The following SRGAP3 variants were observed in gnomAD, a reference collection of about 807,000 sequenced individuals.
The protein encoded by SRGAP3 is SLIT-ROBO Rho GTPase-activating protein 3.
SRGAP3 carries 39 observed loss-of-function variants against 121.1 expected under a neutral mutation model. That is an observed-to-expected ratio of 0.32 (90% CI 0.25 to 0.42). SRGAP3 has a LOEUF of 0.42. Among genes scored for constraint, SRGAP3 ranks in the 10% least tolerant of loss-of-function variants. The pLI is 1.00. For missense variants in SRGAP3, 1,213 were observed against 1,470.6 expected, an observed-to-expected ratio of 0.82 and a Z score of 2.86; for synonymous variants, 601 against 570.0, an observed-to-expected ratio of 1.05 and a Z score of -0.77.
intron 18 of SRGAP3, among the ~76,000 whole-genome samples, chr3:8,999,348 G>A (rs142139610): frequency 0.013 from 1,962 of 152,320 alleles, 23 homozygotes; most frequent in Middle Eastern, 0.024. Flanking sequence ...GGGCTTTTCC[G>A]GAGATGAAAA....
At chr3:9,202,916 G>A (rs1454237672) in intron 1 of SRGAP3, among the ~76,000 whole-genome samples, 1 of 152,200 alleles carries the variant, frequency 6.6e-6, no homozygotes, top group Non-Finnish European at 1.5e-5. Flanking sequence ...ACCAACTGCA[G>A]TGACTGGTTG....
At chr3:8,996,003 A>G (rs1404390443) in intron 18 of SRGAP3, among the ~76,000 whole-genome samples, 1 of 152,178 alleles carries the variant, frequency 6.6e-6, no homozygotes, top group African/African-American at 2.4e-5. Flanking sequence ...CGATCTATTC[A>G]TCCACCTGTC....
chr3:9,007,519 G>A (rs563477430), intron 18 of SRGAP3: 6 of 152,116 alleles, frequency 3.9e-5, no homozygotes, highest in South Asian at 2.1e-4. Flanking sequence ...GGAGGTTCTG[G>A]TTGCCAATGA....
At chr3:9,255,528 G>A (rs1954112668) in intron 3 of SRGAP3, among the ~76,000 whole-genome samples, 2 of 152,162 alleles carry the variant, frequency 1.3e-5, no homozygotes. Context: ...CAAAAGTTTT[G>A]GAATGGTCAG....
chr3:9,280,067 G>C (rs968446852), intron 3 of SRGAP3, among the ~76,000 whole-genome samples: 1 of 152,216 alleles, frequency 6.6e-6, no homozygotes, highest in African/African-American at 2.4e-5. Context: ...GCAGGCAAAG[G>C]AAACCATAGC....
intron 1 of SRGAP3, among the ~76,000 whole-genome samples, chr3:9,345,851 C>T (rs1955881108): frequency 6.6e-6 from 1 of 151,636 alleles, no homozygotes; most frequent in Non-Finnish European, 1.5e-5. Context: ...AGAGAAGGCC[C>T]AGAAACAAGA....
chr3:9,343,777 C>T (rs1402288368), intron 1 of SRGAP3, among the ~76,000 whole-genome samples: 2 of 152,140 alleles, frequency 1.3e-5, no homozygotes, highest in Non-Finnish European at 2.9e-5. Context: ...CTCAAGCTAT[C>T]CTCCGACCTC....
chr3:9,151,625 G>A (rs1950214303), intron 1 of SRGAP3, among the ~76,000 whole-genome samples: 1 of 152,204 alleles, frequency 6.6e-6, no homozygotes. Flanking sequence ...CTAAACAACT[G>A]GATAACTGGC....
intron 1 of SRGAP3, among the ~76,000 whole-genome samples, chr3:9,134,827 G>C (rs1314854057): frequency 1.3e-5 from 2 of 152,190 alleles, no homozygotes; most frequent in Non-Finnish European, 2.9e-5. Context: ...CTCCTCTGAG[G>C]AGAGAAATCT....
At chr3:9,158,029 A>T (rs893695698) in intron 1 of SRGAP3, among the ~76,000 whole-genome samples, 1 of 152,200 alleles carries the variant, frequency 6.6e-6, no homozygotes, top group Admixed American at 6.5e-5. Context: ...CCTTCCAGGT[A>T]TTATCAAGAA....
chr3:9,201,786 A>C (rs971760751), intron 1 of SRGAP3, among the ~76,000 whole-genome samples: 1 of 152,210 alleles, frequency 6.6e-6, no homozygotes, highest in Non-Finnish European at 1.5e-5. Context: ...GAGGGATGTA[A>C]TTCTTAAGTT....
chr3:9,245,440 G>A (rs1000102561), intron 1 of SRGAP3, among the ~76,000 whole-genome samples: 1 of 152,214 alleles, frequency 6.6e-6, no homozygotes, highest in African/African-American at 2.4e-5. Flanking sequence ...GGAGAGTGGA[G>A]ATGGTAAGTG....
chr3:8,987,583 T>C (rs994654242), intron 21 of SRGAP3, among the ~76,000 whole-genome samples: 1 of 128,036 alleles, frequency 7.8e-6, no homozygotes, highest in Non-Finnish European at 1.5e-5. Context: ...CAGGCTTCAA[T>C]CTGGCTGGGG....
At chr3:9,228,285 G>A (rs1953064656) in intron 1 of SRGAP3, among the ~76,000 whole-genome samples, 1 of 152,138 alleles carries the variant, frequency 6.6e-6, no homozygotes, top group Non-Finnish European at 1.5e-5. Flanking sequence ...CATGAGAACA[G>A]GCACCCAGTG....
intron 3 of SRGAP3, among the ~76,000 whole-genome samples, chr3:9,304,510 C>T (rs1358921049): frequency 1.3e-5 from 2 of 152,202 alleles, no homozygotes; most frequent in African/African-American, 4.8e-5. Context: ...TTAAATCTAA[C>T]AGCAGCCCTG....
chr3:9,058,165 G>T, intron 7 of SRGAP3, 86 bp downstream of exon 7: 1 of 1,445,348 alleles, frequency 6.9e-7, no homozygotes, highest in Non-Finnish European at 9.7e-7. Flanking sequence ...GAAACTTTCT[G>T]TACGTGCAAC....
At chr3:8,996,777 G>A (rs567415841) in intron 18 of SRGAP3, among the ~76,000 whole-genome samples, 113 of 152,336 alleles carry the variant, frequency 7.4e-4, no homozygotes, top group Non-Finnish European at 1.5e-3. Flanking sequence ...GGTTTGCAAG[G>A]GCAGGAGCTG....
At chr3:9,358,958 T>C (rs1689030242) in intron 1 of SRGAP3, among the ~76,000 whole-genome samples, 1 of 152,176 alleles carries the variant, frequency 6.6e-6, no homozygotes, top group South Asian at 2.1e-4. Flanking sequence ...TATTAAACCA[T>C]GTACACAGGG....
chr3:9,329,766 G>A (rs1351601277), intron 2 of SRGAP3, among the ~76,000 whole-genome samples: 1 of 152,106 alleles, frequency 6.6e-6, no homozygotes, highest in Non-Finnish European at 1.5e-5. Context: ...CAGCTCTCAA[G>A]TTTCCCCTTT....
Sources: allele counts gnomAD v4.1 joint callset (sites outside exome capture counted in the v4.1 genomes callset), GRCh38; gene constraint gnomAD v4.1.1; transcripts MANE v1.5; gene names NCBI Gene and HGNC (gene_info 2026-07-23, HGNC 2026-07-21).